NBPF12: variants seen among roughly 807,000 people sequenced by gnomAD.
NBPF12 encodes the protein NBPF member 12.
Under a neutral mutation model 146.4 loss-of-function variants are expected in NBPF12, and 115 were observed. The ratio of observed to expected loss-of-function variants is 0.79; its 90% CI spans 0.68 to 0.92. NBPF12 has a LOEUF of 0.92. Ranked by LOEUF, NBPF12 falls within the 40% of genes least tolerant of loss-of-function variation. The probability of loss-of-function intolerance (pLI) is 0.00; values close to 1 mark genes in which losing one functional copy is unlikely to be tolerated. For missense variants in NBPF12, 1,205 were observed against 1,326.8 expected, an observed-to-expected ratio of 0.91 and a Z score of 1.43; for synonymous variants, 385 against 508.9, an observed-to-expected ratio of 0.76 and a Z score of 3.28.
At chr1:146,970,087 G>A (rs1203203321) in intron 11 of NBPF12, among the ~76,000 whole-genome samples, 5 of 150,450 alleles carry the variant, frequency 3.3e-5, no homozygotes, top group Middle Eastern at 3.4e-3. Context: ...TTCAAAATGA[G>A]ATGAAGCCCC....
At chr1:146,984,506 G>A (rs1220713848) in intron 21 of NBPF12, among the ~76,000 whole-genome samples, 1 of 150,558 alleles carries the variant, frequency 6.6e-6, no homozygotes, top group Non-Finnish European at 1.5e-5. Flanking sequence ...TGTGTGTCCT[G>A]AGAGCACAAA....
At chr1:146,960,952 C>A (rs2101843852) in intron 4 of NBPF12, among the ~76,000 whole-genome samples, 1 of 152,048 alleles carries the variant, frequency 6.6e-6, no homozygotes, top group East Asian at 1.9e-4. Context: ...TTGAGACTAG[C>A]CTGGGCAACA....
In NBPF12 at chr1:146,994,592, C is replaced by G. The variant is rs782537041; in HGVS notation, c.*17C>G. 2.5e-6 allele frequency: 4 copies of G among 1,596,036 alleles called. No individual in the cohort carries two copies. The Admixed American group carries it at 6.9e-5, about 27-fold the overall frequency. ...CCACAATAAGCAGCCCTTACTAAGC[C>G]GAGAGGTTTCATTCCTGCAGGCAGG... On this transcript the variant is annotated 3_prime_UTR_variant, in exon 34 of 34. Transcript: ENST00000617844.
intron 19 of NBPF12, among the ~76,000 whole-genome samples, chr1:146,982,457 T>C (rs1657455613): frequency 1.3e-5 from 2 of 150,852 alleles, no homozygotes; most frequent in Admixed American, 6.6e-5. Flanking sequence ...GGTAGTATGT[T>C]GGCTAGTATT....
exon 34 of NBPF12, chr1:146,995,584 T>G (rs1366000974): frequency 1.3e-5 from 2 of 151,718 alleles, no homozygotes; most frequent in Non-Finnish European, 2.9e-5. Flanking sequence ...AGAGGACAGG[T>G]CAGCTCTCTG....
At chr1:146,955,003 T>C in intron 2 of NBPF12, among the ~76,000 whole-genome samples, 1 of 63,606 alleles carries the variant, frequency 1.6e-5, no homozygotes, top group Non-Finnish European at 2.9e-5. Context: ...TATATATATA[T>C]ATATATATAT....
exon 5 of NBPF12, chr1:146,962,213 G>T: frequency 1.9e-6 from 3 of 1,608,406 alleles, no homozygotes; most frequent in Non-Finnish European, 2.5e-6. Flanking sequence ...ATGAGCGACA[G>T]TTCAAGGAGG....
chr1:146,966,903 T>G (rs1362588033), intron 9 of NBPF12, among the ~76,000 whole-genome samples: 3 of 150,330 alleles, frequency 2.0e-5, no homozygotes, highest in Non-Finnish European at 4.4e-5. Context: ...TAAACTGCCA[T>G]TTATTGATTT....
chr1:146,963,056 G>A (rs1189584123), intron 5 of NBPF12, 39 bp from the exon 9 acceptor site: 15 of 1,608,330 alleles, frequency 9.3e-6, no homozygotes, highest in East Asian at 6.7e-5. Flanking sequence ...ATCACTCAAC[G>A]CTTTTCACTG....
At chr1:146,953,426 C>T (rs1486490981) in intron 2 of NBPF12, among the ~76,000 whole-genome samples, 2 of 134,474 alleles carry the variant, frequency 1.5e-5, no homozygotes, top group Non-Finnish European at 3.1e-5. Context: ...AGAGTGAAGC[C>T]TTCAATGCTG....
At chr1:146,946,825 A>G (rs1371849639), upstream of NBPF12, among the ~76,000 whole-genome samples, 1 of 151,720 alleles carries the variant, frequency 6.6e-6, no homozygotes, top group Admixed American at 6.6e-5. Context: ...TTGCACTTAC[A>G]TTTACGTGTA....
chr1:146,939,512 C>T (rs1329114616), intron 1 of NBPF12, among the ~76,000 whole-genome samples: 1 of 152,058 alleles, frequency 6.6e-6, no homozygotes, highest in Non-Finnish European at 1.5e-5. Context: ...TCATGACTAG[C>T]GGGGCAAGCC....
chr1:146,968,582 G>A (rs1559522176), intron 10 of NBPF12, 32 bp downstream of exon 13: 33 of 1,551,546 alleles, frequency 2.1e-5, no homozygotes, highest in Non-Finnish European at 2.8e-5. Flanking sequence ...AGGCAGGGGG[G>A]CAGGTGTGTA....
In NBPF12 at chr1:146,952,332, C is replaced by A. The variant is rs878893594; in HGVS notation, c.-184+843C>A. Among the ~76,000 whole-genome samples the A allele has an allele frequency of 1.6e-4, 24 of 152,204 alleles. No homozygotes were observed. In the South Asian group the frequency reaches 4.6e-3, roughly 29 times the overall value. ...CTCTAGGGCCGTGTGGTCTGTGGTTCTCTGTGAGCATCTCTTCTATTCTCT... is the reference window on the plus strand; with the variant it reads ...CTCTAGGGCCGTGTGGTCTGTGGTTATCTGTGAGCATCTCTTCTATTCTCT... On this transcript the variant is annotated intron_variant, in intron 2 of 33. Transcript: ENST00000617844.
intron 10 of NBPF12, 28 bp downstream of exon 13, chr1:146,968,578 G>A: frequency 1.9e-6 from 3 of 1,553,936 alleles, no homozygotes; most frequent in Admixed American, 3.3e-5. Context: ...GGGCAGGCAG[G>A]GGGGCAGGTG....
chr1:146,966,682 T>G lies in NBPF12; in HGVS notation c.988+9T>G, dbSNP rs1163938720. On this transcript the variant is annotated intron_variant, in intron 9 of 33. Transcript: ENST00000617844. The stretch of plus-strand genomic sequence containing the variant: ...GCAGCAGAACAAATACAGTAAGATC[T>G]ACAGGCTCACCATCACGAAAGTGAT... 2.4e-4 allele frequency: 306 copies of G among 1,282,340 alleles called. 1 individual carries two copies. Among genetic ancestry groups the G allele is most frequent in the Admixed American group, 4.4e-4 (26 of 59,636 alleles). 79.4% of individuals were successfully genotyped at this position (1,282,340 alleles called of 1,614,324 possible). A position where few individuals can be genotyped will look rare whatever the true frequency, so the allele number is the denominator to read the frequency against.
At chr1:146,947,771 C>T (rs1655136583), upstream of NBPF12, among the ~76,000 whole-genome samples, 2 of 150,458 alleles carry the variant, frequency 1.3e-5, no homozygotes, top group Non-Finnish European at 2.9e-5. Context: ...CTATTGTGTT[C>T]GTTTTGTGAC....
chr1:146,981,406 T>C (rs1570883907), intron 19 of NBPF12, among the ~76,000 whole-genome samples: 1 of 150,296 alleles, frequency 6.7e-6, no homozygotes, highest in African/African-American at 2.5e-5. Flanking sequence ...GCTTGTAGGG[T>C]TTGTGCCAAG....
chr1:146,941,758 C>CAAA (rs1226007703), intron 1 of NBPF12, among the ~76,000 whole-genome samples: 4 of 61,834 alleles, frequency 6.5e-5, no homozygotes, highest in Non-Finnish European at 9.3e-5. Context: ...TGTCTTGTAC[C>CAAA]AAAAAAAAAA....
Sources: gnomAD v4.1 joint callset for allele counts (sites outside exome capture counted in the v4.1 genomes callset) on GRCh38, gnomAD v4.1.1 for gene constraint, MANE v1.5 for transcripts, NCBI Gene and HGNC (gene_info 2026-07-23, HGNC 2026-07-21) for gene names.